Variants in CACNA1C observed in about 807,000 individuals in gnomAD.
The protein encoded by CACNA1C is voltage-dependent L-type calcium channel subunit alpha-1C.
CACNA1C carries 30 observed loss-of-function variants against 229.0 expected under a neutral mutation model. That is an observed-to-expected ratio of 0.13 (90% CI 0.10 to 0.18). CACNA1C has a LOEUF of 0.18. CACNA1C is among the 10% of genes least tolerant of loss of function. The pLI is 1.00. For missense variants in CACNA1C, 1,658 were observed against 2,845.0 expected, an observed-to-expected ratio of 0.58 and a Z score of 9.49; for synonymous variants, 1,114 against 1,132.5, an observed-to-expected ratio of 0.98 and a Z score of 0.33.
At position 2,110,192 on chromosome 12, in the gene CACNA1C, C is replaced by T. The variant is rs148835291; in HGVS notation, c.50-5032C>T. Among the ~76,000 whole-genome samples, 12 of 152,362 alleles carry T rather than the reference C, an allele frequency of 7.9e-5. No individual in the cohort carries two copies. In the South Asian group the frequency reaches 1.2e-3, roughly 16 times the overall value. ...TGGACCCTTGCAGAGCAGAATGACA[C>T]GAGGCTGGCCAGACCGTGCTGGGGT... On this transcript the variant is annotated intron_variant, in intron 1 of 46. Coordinates refer to ENST00000399655, the MANE Select transcript of CACNA1C (RefSeq NM_000719.7).
intron 1 of CACNA1C, among the ~76,000 whole-genome samples, chr12:2,023,603 T>A (rs1398454634): frequency 1.3e-5 from 2 of 152,086 alleles, no homozygotes; most frequent in East Asian, 1.9e-4. Flanking sequence ...GGAATGCAGG[T>A]TTCACAAAAG....
chr12:2,439,989 G>A (rs1416835802), intron 3 of CACNA1C, among the ~76,000 whole-genome samples: 1 of 152,138 alleles, frequency 6.6e-6, no homozygotes, highest in Non-Finnish European at 1.5e-5. Context: ...TGAAATCACA[G>A]CATTGCCCCA....
chr12:2,347,188 A>G (rs906006857), intron 3 of CACNA1C, among the ~76,000 whole-genome samples: 1 of 152,182 alleles, frequency 6.6e-6, no homozygotes, highest in African/African-American at 2.4e-5. Context: ...TAGCATCTGA[A>G]TGGATGAATG....
chr12:2,086,827 A>T (rs528022536), intron 1 of CACNA1C, among the ~76,000 whole-genome samples: 2 of 152,192 alleles, frequency 1.3e-5, no homozygotes, highest in South Asian at 2.1e-4. Context: ...TTCTGTGCAC[A>T]TTTCACTGGC....
Position 2,053,721 on chromosome 12 carries a change from G to C in CACNA1C, c.49+110G>C. On this transcript the variant is annotated intron_variant, in intron 1 of 46. Coordinates refer to ENST00000399655, the MANE Select transcript of CACNA1C (RefSeq NM_000719.7). The surrounding 1 kb of genome is among the most constrained non-coding windows in gnomAD (Gnocchi z 5.8). The stretch of plus-strand genomic sequence containing the variant: ...GGCCGGTCCCTGCGGAGTGGCCCGG[G>C]GCCGCGTCCGCGAGGGGCGCCTCCG... 1.9e-6 allele frequency: 2 copies of C among 1,062,668 alleles called. No homozygotes were observed. The highest frequency in any genetic ancestry group is 4.7e-5 in the Admixed American group (1 of 21,228). 65.8% of individuals were successfully genotyped at this position (1,062,668 alleles called of 1,614,324 possible).
intron 30 of CACNA1C, among the ~76,000 whole-genome samples, chr12:2,640,666 T>C (rs545597026): frequency 1.3e-5 from 2 of 152,180 alleles, no homozygotes; most frequent in Non-Finnish European, 2.9e-5. Flanking sequence ...GGGATCAGCA[T>C]GTCGGGATAC....
chr12:2,624,163 C>T (rs577662208), intron 29 of CACNA1C, among the ~76,000 whole-genome samples: 6 of 152,240 alleles, frequency 3.9e-5, no homozygotes, highest in South Asian at 4.1e-4. Context: ...TTTGTAACGC[C>T]GATGAACACT....
rs1285727840 is a variant in CACNA1C, at chr12:2,319,472, AGCCCCAG to A, written c.478-129491_478-129485del. Among the ~76,000 whole-genome samples the A allele has an allele frequency of 6.6e-6, 1 of 152,128 alleles. No homozygotes were observed. The highest frequency in any genetic ancestry group is 1.5e-5 in the Non-Finnish European group (1 of 67,996). ...GGAAGAGACCTCGCTCCCACGCCAC[AGCCCCAG>A]GCCCCAGGCCCCTGACACCCTGGCT... On this transcript the variant is annotated intron_variant, in intron 3 of 46. Coordinates refer to ENST00000399655, the MANE Select transcript of CACNA1C (RefSeq NM_000719.7). The surrounding 1 kb of genome is among the most constrained non-coding windows in gnomAD (Gnocchi z 4.0).
In CACNA1C at chr12:2,679,200, G is replaced by C. The variant is rs1246230345; in HGVS notation, c.5092-244G>C. Among the ~76,000 whole-genome samples, 1 of 152,194 alleles carries C rather than the reference G, an allele frequency of 6.6e-6. No homozygotes were observed. The highest frequency in any genetic ancestry group is 2.4e-5 in the African/African-American group (1 of 41,452). Reference sequence around the variant, plus strand: ...CAATCCCATCCCCACTGGTGGGTGGGTTCTCCCAGCTGCTGCAGAGGGGAG... The same window carrying C: ...CAATCCCATCCCCACTGGTGGGTGGCTTCTCCCAGCTGCTGCAGAGGGGAG... On this transcript the variant is annotated intron_variant, in intron 41 of 46. Transcript: ENST00000399655. The surrounding 1 kb of genome is among the most constrained non-coding windows in gnomAD (Gnocchi z 5.5).
At chr12:2,282,464 A>G (rs916999822) in intron 3 of CACNA1C, among the ~76,000 whole-genome samples, 4 of 152,182 alleles carry the variant, frequency 2.6e-5, no homozygotes. Context: ...CAGCAGCTTT[A>G]TGGAAACTGA....
At chr12:2,344,029 A>G (rs944409913) in intron 3 of CACNA1C, among the ~76,000 whole-genome samples, 1 of 152,236 alleles carries the variant, frequency 6.6e-6, no homozygotes. Flanking sequence ...TGACATTGAT[A>G]GTTTGAAAAC....
intron 5 of CACNA1C, among the ~76,000 whole-genome samples, chr12:2,464,593 T>C (rs1167023803): frequency 6.6e-6 from 1 of 152,224 alleles, no homozygotes; most frequent in Non-Finnish European, 1.5e-5. Context: ...GTGATTTTGA[T>C]TTAGTCCTAA....
At chr12:2,092,416 G>T (rs1185067952) in intron 1 of CACNA1C, among the ~76,000 whole-genome samples, 1 of 152,176 alleles carries the variant, frequency 6.6e-6, no homozygotes, top group Non-Finnish European at 1.5e-5. Flanking sequence ...TTGTGGCTTG[G>T]ATATCCTGTA....
At chr12:2,125,209 A>G (rs1294934983) in intron 3 of CACNA1C, among the ~76,000 whole-genome samples, 2 of 152,110 alleles carry the variant, frequency 1.3e-5, no homozygotes, top group Non-Finnish European at 2.9e-5. Context: ...GATATTCAAG[A>G]GGGGCTGGTT....
chr12:2,049,070 T>C (rs2051614372), upstream of CACNA1C: 1 of 152,272 alleles, frequency 6.6e-6, no homozygotes, highest in Non-Finnish European at 1.5e-5. Flanking sequence ...GTTTTTCTTT[T>C]AATGTAAATC....
At chr12:2,166,131 C>A (rs535477737) in intron 3 of CACNA1C, among the ~76,000 whole-genome samples, 1 of 152,182 alleles carries the variant, frequency 6.6e-6, no homozygotes, top group African/African-American at 2.4e-5. Flanking sequence ...AAATGTGTTA[C>A]ATCAGCCCTC....
chr12:2,189,498 T>C (rs2097147860), intron 3 of CACNA1C, among the ~76,000 whole-genome samples: 2 of 152,164 alleles, frequency 1.3e-5, no homozygotes, highest in African/African-American at 4.8e-5. Flanking sequence ...AGACTTGCCA[T>C]ATGGGCCATC....
chr12:2,230,257 G>T (rs931768911), intron 3 of CACNA1C, among the ~76,000 whole-genome samples: 2 of 152,206 alleles, frequency 1.3e-5, no homozygotes, highest in East Asian at 3.9e-4. Context: ...AGGTCGGGAA[G>T]GGCGCCATGG....
At chr12:2,511,447 A>C (rs1469746247) in intron 8 of CACNA1C, among the ~76,000 whole-genome samples, 3 of 152,128 alleles carry the variant, frequency 2.0e-5, no homozygotes, top group Admixed American at 6.5e-5. Context: ...CCTTTCCTAG[A>C]GTGTGGCTTC....
Sources: gnomAD v4.1 joint callset for allele counts (sites outside exome capture counted in the v4.1 genomes callset) on GRCh38, gnomAD v4.1.1 for gene constraint, Gnocchi (gnomAD v3.1) non-coding constraint, MANE v1.5 for transcripts, NCBI Gene and HGNC (gene_info 2026-07-23, HGNC 2026-07-21) for gene names.